Variants in FBN3 observed in about 807,000 individuals in gnomAD.
FBN3 encodes the protein fibrillin-3.
In FBN3, 234 loss-of-function variants were observed where a neutral mutation model predicts 330.1. The observed-to-expected ratio is 0.71, with a 90% CI of 0.64 to 0.79. The LOEUF is 0.79. FBN3 is among the 30% of genes least tolerant of loss of function. FBN3 has a pLI of 0.00. For synonymous variants in FBN3, 1,458 were observed against 1,517.3 expected, an observed-to-expected ratio of 0.96 and a Z score of 0.91; for missense variants, 3,606 against 3,886.9, an observed-to-expected ratio of 0.93 and a Z score of 1.92.
chr19:8,101,301 C>T (rs1171719916), intron 40 of FBN3, among the ~76,000 whole-genome samples: 3 of 152,058 alleles, frequency 2.0e-5, no homozygotes, highest in African/African-American at 7.2e-5. Context: ...TTAAAGCCAC[C>T]TAGTTTGCAG....
rs771593362 is a variant in FBN3, at chr19:8,123,540, G to A, written c.3006C>T (p.Cys1002=). ...AGTGGAAGCTGCCCACCGTGTTTCTGCAGGTACCGTGCGTGCAGAGGCCAG... is the reference window on the plus strand; with the variant it reads ...AGTGGAAGCTGCCCACCGTGTTTCTACAGGTACCGTGCGTGCAGAGGCCAG... ...VFPGLCTHGT[C]RNTVGSFHCA... Residue 1002 remains cysteine (C), a synonymous_variant, in exon 24 of 64, where the codon TGC becomes TGT. Transcript: ENST00000600128. The A allele has an allele frequency of 3.1e-6, 5 of 1,614,204 alleles. No homozygotes were observed. Among genetic ancestry groups the A allele is most frequent in the African/African-American group, 1.3e-5 (1 of 75,052 alleles).
Position 8,149,382 on chromosome 19 carries a change from C to T in FBN3, c.-18+67G>A, listed in dbSNP as rs545032640. The T allele has an allele frequency of 6.6e-6, 1 of 151,980 alleles. No individual in the cohort carries two copies. The highest frequency in any genetic ancestry group is 2.1e-4 in the South Asian group (1 of 4,830). The allele number at this position is 151,980 out of a possible 1,614,324, so 9.4% of individuals were successfully genotyped here. ...CCCCCTCCCCCTGCCGGCCCCCCCG[C>T]CCCCGCCTTCTCCACCCTTCAGCGC... On this transcript the variant is annotated intron_variant, in intron 1 of 63. Transcript: ENST00000600128. The surrounding 1 kb of genome is among the most constrained non-coding windows in gnomAD (Gnocchi z 5.5).
chr19:8,068,879 ACAC>A (rs1209119776), intron 63 of FBN3, among the ~76,000 whole-genome samples: 2 of 151,942 alleles, frequency 1.3e-5, no homozygotes, highest in Non-Finnish European at 2.9e-5. Flanking sequence ...CCACTGTTAC[ACAC>A]TACAGACCCC....
chr19:8,125,942 C>T lies in FBN3; in HGVS notation c.2681G>A (p.Cys894Tyr), dbSNP rs1373915305. The T allele has an allele frequency of 1.9e-6, 3 of 1,613,776 alleles. No homozygotes were observed. The African/African-American group carries it at 4.0e-5, about 22-fold the overall frequency. ...CAGCATCAGGCCCTCTGGACACTCACAGCGGAAAGACCCAGCAGTGTTGAC... is the reference window on the plus strand; with the variant it reads ...CAGCATCAGGCCCTCTGGACACTCATAGCGGAAAGACCCAGCAGTGTTGAC... Reference protein sequence around the residue: ...RCVNTAGSFRCECPEGLMLDA... With the variant: ...RCVNTAGSFRYECPEGLMLDA... The change falls in exon 22 of 64, where the codon TGT becomes TAT. Residue 894 changes from cysteine to tyrosine, a missense_variant. Transcript: ENST00000600128.
chr19:8,145,403 G>T (rs538189729), intron 5 of FBN3, among the ~76,000 whole-genome samples: 2 of 145,144 alleles, frequency 1.4e-5, no homozygotes, highest in African/African-American at 5.1e-5. Context: ...AAAAAGGGCC[G>T]GGCACGGTAG....
intron 13 of FBN3, 25 bp downstream of exon 13, chr19:8,135,936 G>GGGGCCCCCCCCCCCCCCCCCC: frequency 1.5e-6 from 1 of 668,776 alleles, no homozygotes; most frequent in Non-Finnish European, 2.4e-6. Flanking sequence ...GGAAGCCCCT[G>GGGGCCCCCCCCCCCCCCCCCC]CCCACCCGCC....
Position 8,065,933 on chromosome 19 carries a change from G to C in FBN3, c.8416C>G (p.Leu2806Val), listed in dbSNP as rs1263264723. 3 of 1,584,360 alleles carry C rather than the reference G, an allele frequency of 1.9e-6. No individual in the cohort carries two copies. The highest frequency in any genetic ancestry group is 1.7e-6 in the Non-Finnish European group (2 of 1,163,762). ...GCTCCTCCCAACTAAAGCAACTGCA[G>C]CTGCACCTTCAGCCTCAAGGCCTGG... is the stretch of plus-strand genomic sequence containing the variant. Reference protein sequence around the residue: ...WGQALRLKVQLQLL With the variant: ...WGQALRLKVQVQLL The change falls in exon 64 of 64, where the codon CTG (leucine) becomes GTG (valine). Residue 2806 changes from leucine (L) to valine (V), a missense_variant. By Grantham distance (32) the Leu-to-Val change is conservative (BLOSUM62 1). Coordinates refer to ENST00000600128, the MANE Select transcript of FBN3 (RefSeq NM_032447.5).
chr19:8,074,341 C>T (rs984770484), intron 61 of FBN3, among the ~76,000 whole-genome samples: 9 of 152,002 alleles, frequency 5.9e-5, no homozygotes, highest in Non-Finnish European at 1.2e-4. Context: ...AGCTAAAGAC[C>T]CACCATGACA....
intron 6 of FBN3, among the ~76,000 whole-genome samples, chr19:8,142,773 G>A (rs902598736): frequency 4.0e-5 from 6 of 151,316 alleles, no homozygotes; most frequent in Admixed American, 1.3e-4. Flanking sequence ...CTCAGGCCCC[G>A]TAAGGAGGAG....
At position 8,075,294 on chromosome 19, in the gene FBN3, T is replaced by C. The variant is rs2145379006; in HGVS notation, c.7571A>G (p.His2524Arg). The change falls in exon 60 of 64, where the codon CAT becomes CGT. Residue 2524 changes from histidine to arginine, a missense_variant. His to Arg is a conservative substitution (Grantham distance 29). Transcript: ENST00000600128. Reference sequence around the variant, plus strand: ...AAGCTGGGCTGTACCTTCACAGCCATGGCCTGAGCTGACCAGGGTGAAGCC... The same window carrying C: ...AAGCTGGGCTGTACCTTCACAGCCACGGCCTGAGCTGACCAGGGTGAAGCC... ...HQGFTLVSSG[H>R]GCEDVNECDG... The C allele has an allele frequency of 6.2e-7, 1 of 1,613,296 alleles. No homozygotes were observed. Among genetic ancestry groups the C allele is most frequent in the East Asian group, 2.2e-5 (1 of 44,866 alleles).
intron 31 of FBN3, 25 bp downstream of exon 31, chr19:8,111,952 C>T (rs1020109471): frequency 1.4e-5 from 19 of 1,373,714 alleles, no homozygotes; most frequent in Non-Finnish European, 1.8e-5. Context: ...TGCTTTGCCC[C>T]CACTCCCTGC....
At chr19:8,094,422 A>G in intron 47 of FBN3, 24 bp downstream of exon 47, 1 of 1,587,660 alleles carries the variant, frequency 6.3e-7, no homozygotes, top group Non-Finnish European at 8.6e-7. Flanking sequence ...GGCGCCAGAA[A>G]CGGGAGTGGG....
Position 8,141,933 on chromosome 19 carries a change from T to A in FBN3, c.739+7A>T. 1 of 1,614,120 alleles carries A rather than the reference T, an allele frequency of 6.2e-7. No individual in the cohort carries two copies. The highest frequency in any genetic ancestry group is 1.1e-5 in the South Asian group (1 of 91,082). The stretch of plus-strand genomic sequence containing the variant: ...GCCTCCCACTCAGCCCTGACCCCAC[T>A]ATTCACCTTGGCAGGCCCCCGTGTG... On this transcript the variant is annotated splice_region_variant and intron_variant, in intron 7 of 63. Transcript: ENST00000600128.
intron 8 of FBN3, among the ~76,000 whole-genome samples, 163 bp from the exon 9 acceptor site, chr19:8,138,727 C>T (rs1473788718): frequency 6.6e-6 from 1 of 152,188 alleles, no homozygotes; most frequent in African/African-American, 2.4e-5. Flanking sequence ...ATCCACCTCA[C>T]CCGGGAAAAG....
chr19:8,080,185 G>A (rs554246255), intron 59 of FBN3, among the ~76,000 whole-genome samples: 13 of 152,362 alleles, frequency 8.5e-5, no homozygotes, highest in African/African-American at 3.1e-4. Context: ...GCAGCCTGGA[G>A]TTTGCCACCC....
At chr19:8,142,836 C>T (rs62123275) in intron 6 of FBN3, among the ~76,000 whole-genome samples, 7,502 of 138,672 alleles carry the variant, frequency 0.054, 266 homozygotes, top group African/African-American at 0.095. Context: ...CAAGCCAAAA[C>T]GTAATTCCTG....
Position 8,103,659 on chromosome 19 carries a change from G to A in FBN3, c.4842C>T (p.Gly1614=). The change falls in exon 39 of 64, where the codon GGC becomes GGT. Residue 1614 remains glycine (G), a synonymous_variant. Coordinates refer to ENST00000600128, the MANE Select transcript of FBN3 (RefSeq NM_032447.5). Reference sequence around the variant, plus strand: ...TGTAGCAGGTGCCAGGGCCACAGATGCCGGAGTGTGTGGAGCATTCGTCAA... The same window carrying A: ...TGTAGCAGGTGCCAGGGCCACAGATACCGGAGTGTGTGGAGCATTCGTCAA... The part of the protein sequence containing the change: ...EDIDECSTHS[G]ICGPGTCYNT... 6.2e-7 allele frequency: 1 copy of A among 1,613,634 alleles called. No individual in the cohort carries two copies. The highest frequency in any genetic ancestry group is 8.5e-7 in the Non-Finnish European group (1 of 1,179,646).
chr19:8,120,475 C>T (rs907515332), intron 25 of FBN3, among the ~76,000 whole-genome samples: 9 of 134,596 alleles, frequency 6.7e-5, no homozygotes, highest in Non-Finnish European at 9.9e-5. Context: ...TGGCTTTTTC[C>T]TCTTCCTTCC....
At chr19:8,140,930 C>T (rs1009392419) in intron 8 of FBN3, among the ~76,000 whole-genome samples, 11 of 151,980 alleles carry the variant, frequency 7.2e-5, no homozygotes, top group Non-Finnish European at 1.2e-4. Context: ...CGGTGGCTCA[C>T]GCCTGTAATC....
Sources: allele counts gnomAD v4.1 joint callset (sites outside exome capture counted in the v4.1 genomes callset), GRCh38; gene constraint gnomAD v4.1.1; non-coding constraint Gnocchi (gnomAD v3.1); transcripts MANE v1.5; gene names NCBI Gene and HGNC (gene_info 2026-07-23, HGNC 2026-07-21).